EEA1: variants seen among roughly 807,000 people sequenced by gnomAD.
EEA1 encodes the protein early endosome antigen 1.
A neutral mutation model predicts 209.2 loss-of-function variants in EEA1; 111 were observed. The ratio of observed to expected loss-of-function variants is 0.53; its 90% confidence interval spans 0.45 to 0.62. The LOEUF (loss-of-function observed/expected upper bound fraction) is 0.62, where lower values mean the gene tolerates loss of function less well. EEA1 is among the 20% of genes least tolerant of loss of function. The pLI is 0.00. For missense variants in EEA1, 1,343 were observed against 1,530.8 expected, an observed-to-expected ratio of 0.88 and a Z score of 2.05; for synonymous variants, 536 against 540.6, an observed-to-expected ratio of 0.99 and a Z score of 0.12.
At chr12:92,857,958 A>C (rs924330) in intron 3 of EEA1, 68,729 of 242,756 alleles carry the variant, frequency 0.28, 10,887 homozygotes, top group Non-Finnish European at 0.33. Flanking sequence ...CTGCACCACC[A>C]TTGGTTACGC....
intron 5 of EEA1, among the ~76,000 whole-genome samples, chr12:92,854,206 A>C (rs151030516): frequency 2.6e-5 from 4 of 152,324 alleles, no homozygotes; most frequent in African/African-American, 9.6e-5. Context: ...ATATGAAGTT[A>C]TTATGGTCAT....
intron 9 of EEA1, among the ~76,000 whole-genome samples, chr12:92,844,594 A>C (rs1877314491): frequency 6.6e-6 from 1 of 152,164 alleles, no homozygotes; most frequent in African/African-American, 2.4e-5. Flanking sequence ...GGATTTAGCT[A>C]CTGTGAGTTT....
chr12:92,921,126 T>C (rs1880971953), intron 1 of EEA1, among the ~76,000 whole-genome samples: 1 of 151,634 alleles, frequency 6.6e-6, no homozygotes, highest in Non-Finnish European at 1.5e-5. Context: ...TGTGGAGAAA[T>C]AGGAACACTT....
In EEA1 at chr12:92,916,585, G is replaced by A. The variant is rs989923435; in HGVS notation, c.24+12458C>T. Among the ~76,000 whole-genome samples, 115 of 127,100 alleles carry A rather than the reference G, an allele frequency of 9.0e-4. 9 individuals are homozygous for A. Among genetic ancestry groups the A allele is most frequent in the Admixed American group, 5.6e-3 (75 of 13,500 alleles). 83.4% of individuals were successfully genotyped at this position (127,100 alleles called of 152,430 possible). On this transcript the variant is annotated intron_variant, in intron 1 of 28. Transcript: ENST00000322349. The stretch of plus-strand genomic sequence containing the variant: ...GAATAATCGCTTGAACCTGGGAGGC[G>A]GAGGTTGCAGTGAGCCATCATCAAA...
At chr12:92,851,017 G>A in intron 9 of EEA1, 94 bp downstream of exon 9, 1 of 1,165,250 alleles carries the variant, frequency 8.6e-7, no homozygotes, top group South Asian at 1.8e-5. Flanking sequence ...ATTTTGATAG[G>A]CCACTCAGAA....
intron 11 of EEA1, among the ~76,000 whole-genome samples, chr12:92,828,619 C>CATATAT (rs111405083): frequency 6.8e-6 from 1 of 146,076 alleles, no homozygotes. Context: ...ATATATATAT[C>CATATAT]ATATATATAT....
intron 2 of EEA1, among the ~76,000 whole-genome samples, chr12:92,867,427 G>A (rs1165095874): frequency 6.6e-6 from 1 of 151,720 alleles, no homozygotes; most frequent in Non-Finnish European, 1.5e-5. Flanking sequence ...TTTATTCACT[G>A]AAATATGAAT....
intron 19 of EEA1, among the ~76,000 whole-genome samples, chr12:92,802,072 T>C (rs528061520): frequency 2.0e-5 from 3 of 152,072 alleles, no homozygotes; most frequent in East Asian, 3.9e-4. Context: ...TAGGAAACAA[T>C]AAATTAAGAA....
chr12:92,898,203 A>G (rs955614964), intron 1 of EEA1, among the ~76,000 whole-genome samples: 5 of 152,268 alleles, frequency 3.3e-5, no homozygotes, highest in African/African-American at 4.8e-5. Context: ...AAAGAAGGGT[A>G]TAAGATTAAA....
chr12:92,849,188 TTA>T (rs1231383940), intron 9 of EEA1, among the ~76,000 whole-genome samples: 1 of 152,234 alleles, frequency 6.6e-6, no homozygotes, highest in African/African-American at 2.4e-5. Context: ...TGGTTCTGTT[TTA>T]GTCACCATAA....
At position 92,872,844 on chromosome 12, in the gene EEA1, T is replaced by C. The variant is rs182149510; in HGVS notation, c.118-7857A>G. ...GGTGTGCACCTGTAATCCCAGCTAC[T>C]AGGGAGGCTCAGGCCAGAGAATGGC... is the stretch of plus-strand genomic sequence containing the variant. On this transcript the variant is annotated intron_variant, in intron 2 of 28. Transcript: ENST00000322349. Among the ~76,000 whole-genome samples, 14 of 152,096 alleles carry C rather than the reference T, an allele frequency of 9.2e-5. No individual in the cohort carries two copies. In the East Asian group the frequency reaches 2.7e-3, roughly 29 times the overall value.
chr12:92,856,500 T>C (rs552120989), intron 5 of EEA1, among the ~76,000 whole-genome samples: 9 of 152,214 alleles, frequency 5.9e-5, no homozygotes, highest in African/African-American at 1.9e-4. Flanking sequence ...TTTTTTAGTT[T>C]TTTAAAAACT....
At chr12:92,853,584 C>A (rs958473360) in intron 6 of EEA1, among the ~76,000 whole-genome samples, 1 of 152,160 alleles carries the variant, frequency 6.6e-6, no homozygotes, top group African/African-American at 2.4e-5. Flanking sequence ...ATGCAGTCAA[C>A]TCCTAATACT....
At chr12:92,869,890 CAT>C (rs1344089408) in intron 2 of EEA1, among the ~76,000 whole-genome samples, 6 of 145,736 alleles carry the variant, frequency 4.1e-5, no homozygotes, top group South Asian at 2.3e-4. Flanking sequence ...AGAAGGATAA[CAT>C]GTGATAAAAT....
At chr12:92,857,187 A>G in intron 5 of EEA1, 88 bp downstream of exon 5, 2 of 993,866 alleles carry the variant, frequency 2.0e-6, no homozygotes, top group Non-Finnish European at 2.9e-6. Context: ...TCAGGCCGCC[A>G]CCTGCTTGCA....
intron 11 of EEA1, among the ~76,000 whole-genome samples, chr12:92,830,565 G>A (rs1384177727): frequency 2.0e-5 from 3 of 152,062 alleles, no homozygotes; most frequent in Non-Finnish European, 4.4e-5. Context: ...CTATCAAGGT[G>A]AAGAGGAATA....
At chr12:92,839,462 T>A (rs1455913968) in intron 10 of EEA1, among the ~76,000 whole-genome samples, 2 of 152,180 alleles carry the variant, frequency 1.3e-5, no homozygotes, top group Admixed American at 6.5e-5. Flanking sequence ...TCCAACTACA[T>A]ATCTGTATGA....
chr12:92,916,200 C>A (rs1880754205), intron 1 of EEA1, among the ~76,000 whole-genome samples: 2 of 152,116 alleles, frequency 1.3e-5, no homozygotes, highest in African/African-American at 4.8e-5. Context: ...GCTACAAAAA[C>A]ATACCAAAAT....
chr12:92,869,699 G>A (rs1224371727), intron 2 of EEA1, among the ~76,000 whole-genome samples: 2 of 122,808 alleles, frequency 1.6e-5, no homozygotes, highest in East Asian at 5.3e-4. Flanking sequence ...GTTGCAGTGA[G>A]CCAAAATTGC....
Sources: allele counts gnomAD v4.1 joint callset (sites outside exome capture counted in the v4.1 genomes callset), GRCh38; gene constraint gnomAD v4.1.1; transcripts MANE v1.5; gene names NCBI Gene and HGNC (gene_info 2026-07-23, HGNC 2026-07-21).